The following TBRG4 variants were observed in gnomAD, a reference collection of about 807,000 sequenced individuals.
TBRG4 encodes the protein FAST kinase domain-containing protein 4.
TBRG4 carries 43 observed loss-of-function variants against 65.6 expected under a neutral mutation model. The observed-to-expected ratio is 0.66, with a 90% CI of 0.51 to 0.85. The LOEUF (loss-of-function observed/expected upper bound fraction) is 0.85. Ranked by LOEUF, TBRG4 falls within the 40% of genes least tolerant of loss-of-function variation. The pLI, the probability that TBRG4 is intolerant of heterozygous loss-of-function variation, is 0.00. For synonymous variants in TBRG4, 366 were observed against 341.4 expected, an observed-to-expected ratio of 1.07 and a Z score of -0.79; for missense variants, 709 against 787.9, an observed-to-expected ratio of 0.90 and a Z score of 1.20.
chr7:45,103,639 T>C (rs935489854), intron 5 of TBRG4, 196 bp from the exon 6 acceptor site: 1 of 580,930 alleles, frequency 1.7e-6, no homozygotes, highest in African/African-American at 1.9e-5. Context: ...TGGCAGCAAC[T>C]ACCCACAGAG....
chr7:45,111,416 C>T, intron 1 of TBRG4: 1 of 301,460 alleles, frequency 3.3e-6, no homozygotes, highest in South Asian at 2.7e-5. Flanking sequence ...GGGTCATGGA[C>T]GGTCAACAGG....
At position 45,101,874 on chromosome 7, in the gene TBRG4, G is replaced by T. The variant is rs369204270; in HGVS notation, c.1518C>A (p.Ser506Arg). Residue 506 changes from serine (S) to arginine (R), a missense_variant, in exon 8 of 11, where the codon AGC becomes AGA. Coordinates refer to ENST00000258770, the MANE Select transcript of TBRG4 (RefSeq NM_004749.4). The stretch of plus-strand genomic sequence containing the variant: ...CCACCTCGAGGCTGCCCTTGTCGGC[G>T]CTCCCCAGCAGCCCCTTCAGCGTCT... ...LQETLKGLLG[S>R]ADKGSLEVAT... is the part of the protein sequence containing the mutation. The T allele has an allele frequency of 1.2e-6, 2 of 1,609,700 alleles. No homozygotes were observed. Among genetic ancestry groups the T allele is most frequent in the African/African-American group, 2.7e-5 (2 of 74,766 alleles).
intron 6 of TBRG4, 102 bp downstream of exon 6, chr7:45,103,231 T>TC: frequency 1.1e-6 from 1 of 879,676 alleles, no homozygotes; most frequent in Non-Finnish European, 1.8e-6. Flanking sequence ...TAGTGGCCCC[T>TC]CCCGCCTCCA....
chr7:45,102,092 G>A lies in TBRG4; in HGVS notation c.1322-22C>T, dbSNP rs376260979. On this transcript the variant is annotated intron_variant, in intron 7 of 10. Coordinates refer to ENST00000258770, the MANE Select transcript of TBRG4 (RefSeq NM_004749.4). The stretch of plus-strand genomic sequence containing the variant: ...CCCCCTAGGAGACAAGGAGAAAGAA[G>A]AGGGAGGTGGGCCTACGGCCAGAGA... 233 of 1,564,330 alleles carry A rather than the reference G, an allele frequency of 1.5e-4. 1 individual carries two copies. In the African/African-American group the frequency reaches 2.8e-3, roughly 19 times the overall value.
At chr7:45,103,214 C>A in intron 6 of TBRG4, 119 bp downstream of exon 6, 1 of 770,772 alleles carries the variant, frequency 1.3e-6, no homozygotes, top group East Asian at 2.7e-5. Flanking sequence ...CCCTCCCATG[C>A]CACACATAGT....
At position 45,102,065 on chromosome 7, in the gene TBRG4, T is replaced by A. The variant is rs1214698221; in HGVS notation, c.1327A>T (p.Lys443Ter). 6.4e-7 allele frequency: 1 copy of A among 1,569,698 alleles called. No homozygotes were observed. Among genetic ancestry groups the A allele is most frequent in the Admixed American group, 2.1e-5 (1 of 47,462 alleles). Residue 443 changes from lysine (K) to a stop codon, truncating the protein, a stop_gained, in exon 8 of 11, where the codon AAG becomes TAG. Coordinates refer to ENST00000258770, the MANE Select transcript of TBRG4 (RefSeq NM_004749.4). LOFTEE classifies it high-confidence loss of function. ...AAGGTGTTCTGATCCTTCTGAGACT[T>A]GCCCCCTAGGAGACAAGGAGAAAGA... is the stretch of plus-strand genomic sequence containing the variant. ...PEFHIQFLGGKSQKDQNTFQK... is the reference protein window; with the variant it reads ...PEFHIQFLGG
intron 3 of TBRG4, chr7:45,105,069 A>T (rs1285996297): frequency 2.9e-6 from 2 of 694,360 alleles, no homozygotes; most frequent in African/African-American, 3.5e-5. Flanking sequence ...GGGTTAGCAC[A>T]TCTCCAGGAG....
At position 45,101,319 on chromosome 7, in the gene TBRG4, A is replaced by T. The variant is rs1216556898; in HGVS notation, c.1733T>A (p.Leu578Ter). The T allele has an allele frequency of 1.2e-6, 2 of 1,614,050 alleles. No individual in the cohort carries two copies. The highest frequency in any genetic ancestry group is 1.7e-6 in the Non-Finnish European group (2 of 1,180,020). Reference sequence around the variant, plus strand: ...CCGGGCCAGAACAAAGCGACCCAGCAAGTCCTTGCTTCGGCTGTTGAAGTT... The same window carrying T: ...CCGGGCCAGAACAAAGCGACCCAGCTAGTCCTTGCTTCGGCTGTTGAAGTT... ...FPNFNSRSKD[L>*]LGRFVLARRH... Residue 578 changes from leucine to a stop codon, truncating the protein, a stop_gained, in exon 10 of 11, where the codon TTG (leucine) becomes TAG (stop). Transcript: ENST00000258770. LOFTEE classifies it high-confidence loss of function.
intron 1 of TBRG4, 98 bp from the exon 2 acceptor site, chr7:45,109,385 T>A: frequency 1.0e-6 from 1 of 995,286 alleles, no homozygotes; most frequent in Admixed American, 3.4e-5. Context: ...ATCTGTAAAA[T>A]CAGACTAAGT....
intron 6 of TBRG4, chr7:45,102,790 C>G (rs1205242097): frequency 2.2e-6 from 1 of 451,120 alleles, no homozygotes; most frequent in East Asian, 4.0e-5. Flanking sequence ...AACAAGATCC[C>G]TTCTCCCATA....
intron 8 of TBRG4, 42 bp from the exon 9 acceptor site, chr7:45,101,656 C>T (rs1784769081): frequency 6.2e-7 from 1 of 1,603,712 alleles, no homozygotes; most frequent in African/African-American, 1.3e-5. Context: ...GGGGGACATC[C>T]CTCAGAAACC....
intron 2 of TBRG4, among the ~76,000 whole-genome samples, chr7:45,108,210 T>C (rs1584034325): frequency 6.6e-6 from 1 of 152,226 alleles, no homozygotes; most frequent in Non-Finnish European, 1.5e-5. Context: ...TTAGGGCCAG[T>C]TCAGCCACAG....
At chr7:45,102,681 G>A (rs1211521913) in intron 6 of TBRG4, 190 bp from the exon 7 acceptor site, 1 of 702,736 alleles carries the variant, frequency 1.4e-6, no homozygotes, top group East Asian at 2.8e-5. Context: ...GAAGGTACCA[G>A]GAATCTTCCT....
At chr7:45,109,569 T>A (rs900292921) in intron 1 of TBRG4, among the ~76,000 whole-genome samples, 5 of 152,128 alleles carry the variant, frequency 3.3e-5, no homozygotes, top group Non-Finnish European at 7.3e-5. Flanking sequence ...GGTTCAATAA[T>A]TCAGATTCCC....
Position 45,101,990 on chromosome 7 carries a change from A to G in TBRG4, c.1402T>C (p.Tyr468His), listed in dbSNP as rs1229128019. The change falls in exon 8 of 11, where the codon TAC becomes CAC. Residue 468 changes from tyrosine (Y) to histidine (H), a missense_variant. Coordinates refer to ENST00000258770, the MANE Select transcript of TBRG4 (RefSeq NM_004749.4). The stretch of plus-strand genomic sequence containing the variant: ...GAGGCAGGCAGAAGGGGACCCGAGT[A>G]CTCGGGGTACTCCAGCAGGGCAGTG... The part of the protein sequence containing the change: ...NATALLEYPE[Y>H]SGPLLPASAV... The G allele has an allele frequency of 6.3e-7, 1 of 1,577,008 alleles. No homozygotes were observed. The highest frequency in any genetic ancestry group is 8.6e-7 in the Non-Finnish European group (1 of 1,164,210).
chr7:45,105,319 A>G (rs979507546), intron 3 of TBRG4, 122 bp downstream of exon 3: 3 of 1,126,958 alleles, frequency 2.7e-6, no homozygotes, highest in African/African-American at 3.1e-5. Context: ...TCCAGACAGA[A>G]GCTCCCAGGG....
At position 45,103,329 on chromosome 7, in the gene TBRG4, C is replaced by G. The variant is rs2128644757; in HGVS notation, c.1176+4G>C. ...GTCGAGCAGTGGGAGCCCAGAGGCC[C>G]TACCAGGCTGAAGAACTGATCCTCT... On this transcript the variant is annotated splice_donor_region_variant and intron_variant, in intron 6 of 10. Transcript: ENST00000258770. 1 of 1,610,642 alleles carries G rather than the reference C, an allele frequency of 6.2e-7. No individual in the cohort carries two copies. The highest frequency in any genetic ancestry group is 8.5e-7 in the Non-Finnish European group (1 of 1,178,040).
intron 2 of TBRG4, chr7:45,106,081 T>C (rs1319486106): frequency 3.3e-6 from 2 of 602,350 alleles, no homozygotes; most frequent in Non-Finnish European, 6.3e-6. Context: ...GGGCAGGCAC[T>C]GAATTTGACA....
At chr7:45,107,021 A>T (rs958973931) in intron 2 of TBRG4, 1 of 152,120 alleles carries the variant, frequency 6.6e-6, no homozygotes, top group East Asian at 1.9e-4. Flanking sequence ...CTGCCTGCAA[A>T]GGGAGGAGCA....
Sources: allele counts gnomAD v4.1 joint callset (sites outside exome capture counted in the v4.1 genomes callset), GRCh38; gene constraint gnomAD v4.1.1; transcripts MANE v1.5; gene names NCBI Gene and HGNC (gene_info 2026-07-23, HGNC 2026-07-21).